Variants in MAGI2 observed in about 807,000 individuals in gnomAD.
The protein encoded by MAGI2 is membrane associated guanylate kinase, WW and PDZ domain containing 2, also known as membrane-associated guanylate kinase, WW and PDZ domain-containing protein 2.
Under a neutral mutation model 133.3 loss-of-function variants are expected in MAGI2, and 35 were observed. The observed-to-expected ratio is 0.26, with a 90% CI of 0.20 to 0.35. The LOEUF (loss-of-function observed/expected upper bound fraction) is 0.35. Ranked by LOEUF, MAGI2 falls within the 10% of genes least tolerant of loss-of-function variation. MAGI2 has a pLI of 1.00. For synonymous variants in MAGI2, 729 were observed against 710.6 expected (o/e 1.03, Z -0.41); for missense variants, 1,636 against 1,863.4 (o/e 0.88, Z 2.25).
rs558643949 is a variant in MAGI2, at chr7:78,020,844, A to T, written c.3707-868T>A. Among the ~76,000 whole-genome samples the T allele has an allele frequency of 1.8e-4, 27 of 151,998 alleles. No homozygotes were observed. The South Asian group carries it at 5.6e-3, about 32-fold the overall frequency. The stretch of plus-strand genomic sequence containing the variant: ...TTTAAAAAAAATCGTCCTTAATTCC[A>T]TTTTTTTTCTTTGCCAAGTCCGGAT... On this transcript the variant is annotated intron_variant, in intron 21 of 21. Transcript: ENST00000354212.
At chr7:78,733,980 A>G (rs1821609284) in intron 2 of MAGI2, among the ~76,000 whole-genome samples, 1 of 152,240 alleles carries the variant, frequency 6.6e-6, no homozygotes, top group Non-Finnish European at 1.5e-5. Flanking sequence ...GTCTAAATTA[A>G]TATACTGTCT....
intron 2 of MAGI2, among the ~76,000 whole-genome samples, chr7:78,854,446 T>C (rs1279991868): frequency 2.6e-5 from 4 of 152,150 alleles, no homozygotes; most frequent in African/African-American, 9.6e-5. Flanking sequence ...ATGAAATGTA[T>C]AGAGTTACAA....
chr7:78,762,030 C>G (rs990695908), intron 2 of MAGI2, among the ~76,000 whole-genome samples: 6 of 151,532 alleles, frequency 4.0e-5, no homozygotes, highest in African/African-American at 1.5e-4. Context: ...TTATTTAGCC[C>G]AATTTTCTTT....
chr7:79,366,192 T>C (rs1013133725), intron 1 of MAGI2, among the ~76,000 whole-genome samples: 4 of 151,400 alleles, frequency 2.6e-5, no homozygotes, highest in African/African-American at 4.9e-5. Context: ...CAGTGAGCCA[T>C]TGCACTCCAG....
At chr7:78,473,000 G>T (rs1791382796) in intron 6 of MAGI2, among the ~76,000 whole-genome samples, 1 of 152,050 alleles carries the variant, frequency 6.6e-6, no homozygotes, top group Non-Finnish European at 1.5e-5. Context: ...CAATTAGTTT[G>T]GGGGAAATTA....
intron 3 of MAGI2, among the ~76,000 whole-genome samples, chr7:78,599,367 A>G (rs941763708): frequency 5.9e-5 from 9 of 152,296 alleles, no homozygotes; most frequent in Middle Eastern, 6.8e-3. Context: ...TTTAAGAGCC[A>G]TTCATAATTT....
rs115980125 is a variant in MAGI2 at position 79,329,378 on chromosome 7, A to G, written c.301+123642T>C. 6.3e-3 allele frequency among the ~76,000 whole-genome samples: 954 copies of G among 152,374 alleles called. 4 individuals carry two copies. Among genetic ancestry groups the G allele is most frequent in the African/African-American group, 0.021 (892 of 41,592 alleles). Reference sequence around the variant, plus strand: ...ATAATTTGTTTTATTGCCTTAGAAAATATTTAGAATTATAATTATTTAGCA... The same window carrying G: ...ATAATTTGTTTTATTGCCTTAGAAAGTATTTAGAATTATAATTATTTAGCA... On this transcript the variant is annotated intron_variant, in intron 1 of 21. Coordinates refer to ENST00000354212, the MANE Select transcript of MAGI2 (RefSeq NM_012301.4).
At chr7:78,209,139 G>T (rs1265266097) in intron 10 of MAGI2, among the ~76,000 whole-genome samples, 2 of 85,808 alleles carry the variant, frequency 2.3e-5, no homozygotes, top group East Asian at 4.1e-4. Context: ...GGAGAATGGC[G>T]TGAACCCGGG....
At chr7:78,299,025 C>G (rs1377062160) in intron 9 of MAGI2, among the ~76,000 whole-genome samples, 1 of 151,440 alleles carries the variant, frequency 6.6e-6, no homozygotes, top group Admixed American at 6.6e-5. Context: ...CTGTGTTGGT[C>G]AGGCTGGTCT....
chr7:78,804,689 C>T (rs1428143300), intron 2 of MAGI2, among the ~76,000 whole-genome samples: 1 of 145,726 alleles, frequency 6.9e-6, no homozygotes, highest in Non-Finnish European at 1.5e-5. Flanking sequence ...GCGGAGCTTG[C>T]AGTGAGCCGA....
intron 1 of MAGI2, among the ~76,000 whole-genome samples, chr7:79,084,699 T>C (rs1816331047): frequency 1.3e-5 from 2 of 151,834 alleles, no homozygotes; most frequent in African/African-American, 4.8e-5. Flanking sequence ...CTTGCTGATC[T>C]TCTACTAAGT....
chr7:78,312,023 C>A (rs1310394248), intron 9 of MAGI2, among the ~76,000 whole-genome samples: 1 of 152,062 alleles, frequency 6.6e-6, no homozygotes, highest in Non-Finnish European at 1.5e-5. Flanking sequence ...TGCCGGCCGG[C>A]CTCCCAAAGT....
chr7:79,309,935 A>G (rs1265222477), intron 1 of MAGI2, among the ~76,000 whole-genome samples: 1 of 147,246 alleles, frequency 6.8e-6, no homozygotes, highest in Admixed American at 7.0e-5. Context: ...GTTCAAGACC[A>G]GCCTGGACAA....
rs1249153698 is a variant in MAGI2 at position 78,017,067 on chromosome 7, AAG to A, written c.*2246_*2247del. On this transcript the variant is annotated 3_prime_UTR_variant, in exon 22 of 22. Coordinates refer to ENST00000354212, the MANE Select transcript of MAGI2 (RefSeq NM_012301.4). ...AACACACAGCCTATATAGTTGGAAA[AAG>A]AAAAGATTTTTGGATATATATTTTA... 1 of 152,670 alleles carries A rather than the reference AAG, an allele frequency of 6.6e-6. No homozygotes were observed. Among genetic ancestry groups the A allele is most frequent in the Non-Finnish European group, 1.5e-5 (1 of 68,040 alleles). The allele number at this position is 152,670 out of a possible 1,614,324, so 9.5% of individuals were successfully genotyped here.
At chr7:79,028,495 G>A (rs1584731393) in intron 1 of MAGI2, among the ~76,000 whole-genome samples, 2 of 151,324 alleles carry the variant, frequency 1.3e-5, no homozygotes, top group East Asian at 3.9e-4. Flanking sequence ...TACTTCCTAT[G>A]GGTAGGCTCA....
rs191830670 is a variant in MAGI2 at position 79,306,945 on chromosome 7, C to T, written c.301+146075G>A. The stretch of plus-strand genomic sequence containing the variant: ...TCCCCTGCCTCAGCCTCCTGAGTAG[C>T]TGGGATTACAGGCGACCGCCACCAC... On this transcript the variant is annotated intron_variant, in intron 1 of 21. Coordinates refer to ENST00000354212, the MANE Select transcript of MAGI2 (RefSeq NM_012301.4). Among the ~76,000 whole-genome samples the T allele has an allele frequency of 5.3e-3, 803 of 152,216 alleles. 3 individuals carry two copies. Among genetic ancestry groups the T allele is most frequent in the Non-Finnish European group, 7.0e-3 (477 of 68,018 alleles).
At chr7:79,398,303 C>T (rs187388726) in intron 1 of MAGI2, among the ~76,000 whole-genome samples, 45 of 152,306 alleles carry the variant, frequency 3.0e-4, no homozygotes, top group African/African-American at 1.0e-3. Flanking sequence ...AGAGCACTAT[C>T]CATTCGGCCT....
At chr7:78,582,893 T>C (rs947964399) in intron 3 of MAGI2, among the ~76,000 whole-genome samples, 2 of 152,330 alleles carry the variant, frequency 1.3e-5, no homozygotes, top group African/African-American at 4.8e-5. Flanking sequence ...CATTAACTCA[T>C]TGAGCTTTGG....
At chr7:78,185,796 T>C in intron 12 of MAGI2, 126 bp from the exon 13 acceptor site, 1 of 608,998 alleles carries the variant, frequency 1.6e-6, no homozygotes, top group Non-Finnish European at 2.8e-6. Context: ...TTAAGACTTT[T>C]TTTTTCCTCT....
Sources: allele counts gnomAD v4.1 joint callset (sites outside exome capture counted in the v4.1 genomes callset), GRCh38; gene constraint gnomAD v4.1.1; transcripts MANE v1.5; gene names NCBI Gene and HGNC (gene_info 2026-07-23, HGNC 2026-07-21).